Variants in CCDC82 observed in about 807,000 individuals in gnomAD.
CCDC82 encodes coiled-coil domain containing 82, also known as coiled-coil domain-containing protein 82.
In CCDC82, 47 loss-of-function variants were observed where a neutral mutation model predicts 60.6. The observed-to-expected ratio is 0.77, with a 90% CI of 0.61 to 0.99. CCDC82 has a LOEUF of 0.99. Ranked by LOEUF, CCDC82 falls within the 50% of genes least tolerant of loss-of-function variation. The pLI, the probability that CCDC82 is intolerant of heterozygous loss-of-function variation, is 0.00. For missense variants in CCDC82, 588 were observed against 633.0 expected (o/e 0.93, Z 0.76); for synonymous variants, 212 against 207.4 (o/e 1.02, Z -0.19).
intron 1 of CCDC82, chr11:96,389,545 A>G (rs1028310885): frequency 1.3e-5 from 2 of 152,120 alleles, no homozygotes; most frequent in South Asian, 2.1e-4. Flanking sequence ...AAACAATTAC[A>G]AGGGTCTGGA....
In CCDC82 at chr11:96,374,007, A is replaced by G. The variant is rs1865433009; in HGVS notation, c.992-540T>C. On this transcript the variant is annotated intron_variant, in intron 5 of 9. Coordinates refer to ENST00000646818, the MANE Select transcript of CCDC82 (RefSeq NM_024725.4). ...TTGTCTATTTCCTTCCCCATACCAC[A>G]TATTTAAGCCCACTTCCTCGCTAAC... is the stretch of plus-strand genomic sequence containing the variant. Among the ~76,000 whole-genome samples the G allele has an allele frequency of 2.0e-5, 3 of 152,176 alleles. No homozygotes were observed. In the South Asian group the frequency reaches 6.2e-4, roughly 32 times the overall value.
chr11:96,359,529 C>T (rs1383882902), intron 8 of CCDC82, among the ~76,000 whole-genome samples: 2 of 147,138 alleles, frequency 1.4e-5, no homozygotes, highest in Admixed American at 7.1e-5. Context: ...CCAGATAGAA[C>T]AAAAGTCCCC....
chr11:96,368,322 A>T (rs1865059808), intron 7 of CCDC82, among the ~76,000 whole-genome samples: 1 of 152,158 alleles, frequency 6.6e-6, no homozygotes, highest in Non-Finnish European at 1.5e-5. Flanking sequence ...AGTAGGTCTT[A>T]ACAGTGGTCC....
intron 5 of CCDC82, among the ~76,000 whole-genome samples, chr11:96,375,258 G>A (rs1482379528): frequency 6.6e-6 from 1 of 152,108 alleles, no homozygotes; most frequent in Non-Finnish European, 1.5e-5. Flanking sequence ...ATGTCCTTAT[G>A]CCCAGTGCTA....
chr11:96,359,537 C>T (rs958251754), intron 8 of CCDC82, among the ~76,000 whole-genome samples: 6 of 151,196 alleles, frequency 4.0e-5, no homozygotes, highest in African/African-American at 1.5e-4. Flanking sequence ...AACAAAAGTC[C>T]CCAAGCAAAT....
At chr11:96,367,123 A>G (rs1461773493) in intron 7 of CCDC82, among the ~76,000 whole-genome samples, 1 of 152,226 alleles carries the variant, frequency 6.6e-6, no homozygotes, top group South Asian at 2.1e-4. Context: ...ATGGCTACTG[A>G]CTGATAAGGG....
intron 9 of CCDC82, chr11:96,357,648 G>T: frequency 2.0e-6 from 2 of 984,142 alleles, no homozygotes; most frequent in Non-Finnish European, 2.4e-6. Flanking sequence ...TATGCACAGT[G>T]ATTTTTCTAT....
intron 6 of CCDC82, among the ~76,000 whole-genome samples, chr11:96,372,656 A>T (rs1253844440): frequency 6.8e-6 from 1 of 146,114 alleles, no homozygotes; most frequent in Non-Finnish European, 1.5e-5. Context: ...ATATATAAAT[A>T]TAAATATATA....
intron 9 of CCDC82, chr11:96,354,492 C>A (rs983354117): frequency 6.6e-6 from 1 of 152,136 alleles, no homozygotes; most frequent in African/African-American, 2.4e-5. Context: ...GGTTTTGGAG[C>A]AGGGGACTGA....
chr11:96,365,579 T>C (rs1007185088), intron 7 of CCDC82, among the ~76,000 whole-genome samples: 6 of 152,204 alleles, frequency 3.9e-5, no homozygotes, highest in Non-Finnish European at 1.5e-5. Flanking sequence ...AATTATATAT[T>C]TGCCACAAAA....
intron 6 of CCDC82, among the ~76,000 whole-genome samples, chr11:96,372,180 T>A (rs1228587081): frequency 6.6e-6 from 1 of 152,142 alleles, no homozygotes. Context: ...TCCTTTGCCC[T>A]CTGCTAAGCA....
At chr11:96,372,733 T>C (rs1029280345) in intron 6 of CCDC82, among the ~76,000 whole-genome samples, 21 of 145,554 alleles carry the variant, frequency 1.4e-4, no homozygotes, top group African/African-American at 4.5e-4. Flanking sequence ...TATATATAAA[T>C]ATATAAATAT....
At position 96,384,454 on chromosome 11, in the gene CCDC82, C is replaced by T. The variant is rs761046135; in HGVS notation, c.294G>A (p.Lys98=). ...AACCGTTGCCAGAGTTAATGAGACA[C>T]TTACTGTCATTTCCTTCACTTTGAA... ...SKIQSEGNDS[K]CLINSGNGST... The change falls in exon 4 of 10, where the codon AAG becomes AAA. Residue 98 remains lysine (K), a synonymous_variant. Transcript: ENST00000646818. 1.2e-6 allele frequency: 2 copies of T among 1,613,658 alleles called. No individual in the cohort carries two copies. Among genetic ancestry groups the T allele is most frequent in the African/African-American group, 1.3e-5 (1 of 74,896 alleles).
At position 96,384,195 on chromosome 11, in the gene CCDC82, G is replaced by A. The variant is rs764039225; in HGVS notation, c.553C>T (p.Leu185=). Residue 185 remains leucine (L), a synonymous_variant, in exon 4 of 10, where the codon CTA becomes TTA. Transcript: ENST00000646818. ...TCACTGTCACACATCACAGAGGATA[G>A]CCTTTTTCTTTTTCCTCGCTTGATG... ...EDIKRGKRKR[L]SSVMCDSDES... The A allele has an allele frequency of 3.7e-6, 6 of 1,613,684 alleles. No individual in the cohort carries two copies. In the African/African-American group the frequency reaches 4.0e-5, roughly 11 times the overall value.
chr11:96,384,823 T>A, intron 3 of CCDC82, 62 bp from the exon 4 acceptor site: 1 of 1,007,498 alleles, frequency 9.9e-7, no homozygotes, highest in Non-Finnish European at 1.4e-6. Flanking sequence ...TGAATGCATT[T>A]ATGGTATAAA....
rs762970618 is a variant in CCDC82 at position 96,373,379 on chromosome 11, T to C, written c.1080A>G (p.Leu360=). The C allele has an allele frequency of 2.1e-5, 34 of 1,589,636 alleles. No individual in the cohort carries two copies. The highest frequency in any genetic ancestry group is 2.8e-5 in the Non-Finnish European group (32 of 1,161,306). ...TCATTCATAGTATTAACTTACCATA[T>C]AATGTTCCCAGAAAAGATTCATCTA... ...NALDESFLGT[L]YDGTRQKSYA... The change falls in exon 6 of 10, where the codon TTA becomes TTG. Residue 360 remains leucine (L), a synonymous_variant. Coordinates refer to ENST00000646818, the MANE Select transcript of CCDC82 (RefSeq NM_024725.4).
At chr11:96,358,666 C>CA (rs58477850) in intron 9 of CCDC82, 97,281 of 1,075,156 alleles carry the variant, frequency 0.09, 645 homozygotes, top group African/African-American at 0.11. Flanking sequence ...TATACTCTGT[C>CA]AAAAAAAAAA....
chr11:96,357,907 A>C (rs1395647516), intron 9 of CCDC82: 1 of 985,312 alleles, frequency 1.0e-6, no homozygotes, highest in African/African-American at 1.7e-5. Flanking sequence ...GAAAAGAATA[A>C]AATGAGAGAA....
At chr11:96,381,063 C>T (rs1053556517) in intron 5 of CCDC82, 1 of 151,586 alleles carries the variant, frequency 6.6e-6, no homozygotes, top group African/African-American at 2.4e-5. Context: ...TATTTGAACT[C>T]TGTACATTCC....
Sources: allele counts gnomAD v4.1 joint callset (sites outside exome capture counted in the v4.1 genomes callset), GRCh38; gene constraint gnomAD v4.1.1; transcripts MANE v1.5; gene names NCBI Gene and HGNC (gene_info 2026-07-23, HGNC 2026-07-21).